The following SCUBE1 variants were observed in gnomAD, a reference collection of about 807,000 sequenced individuals.
The protein encoded by SCUBE1 is signal peptide, CUB domain and EGF like domain containing 1.
Under a neutral mutation model 124.4 loss-of-function variants are expected in SCUBE1, and 59 were observed. The observed-to-expected ratio is 0.47, with a 90% CI of 0.38 to 0.59. The LOEUF (loss-of-function observed/expected upper bound fraction) is 0.59, where lower values mean the gene tolerates loss of function less well. Among genes scored for constraint, SCUBE1 ranks in the 20% least tolerant of loss-of-function variants. The pLI is 0.00. For synonymous variants in SCUBE1, 545 were observed against 550.9 expected, an observed-to-expected ratio of 0.99 and a Z score of 0.15; for missense variants, 1,150 against 1,371.2, an observed-to-expected ratio of 0.84 and a Z score of 2.55.
intron 16 of SCUBE1, chr22:43,213,338 G>C (rs118111226): frequency 6.6e-6 from 1 of 152,282 alleles, no homozygotes; most frequent in Non-Finnish European, 1.5e-5. Flanking sequence ...CAGCCTGGAC[G>C]GACTCAGGGC....
In SCUBE1 at chr22:43,221,241, T is replaced by C. The variant is rs1389291786; in HGVS notation, c.1481A>G (p.Asp494Gly). 6.2e-7 allele frequency: 1 copy of C among 1,611,612 alleles called. No individual in the cohort carries two copies. The highest frequency in any genetic ancestry group is 1.1e-5 in the South Asian group (1 of 91,026). Residue 494 changes from aspartate to glycine, a missense_variant, in exon 13 of 22, where the codon GAT (aspartate) becomes GGT (glycine). Asp to Gly is a moderately conservative substitution (Grantham distance 94). Coordinates refer to ENST00000360835, the MANE Select transcript of SCUBE1 (RefSeq NM_173050.5). Reference protein sequence around the residue: ...IKQKARFKIRDAKCHLRPHSQ... With the variant: ...IKQKARFKIRGAKCHLRPHSQ... ...GTGGGGCCGGAGGTGGCACTTGGCATCTCGGATCTTGAAGCGGGCCTTCTG... is the reference window on the plus strand; with the variant it reads ...GTGGGGCCGGAGGTGGCACTTGGCACCTCGGATCTTGAAGCGGGCCTTCTG...
At chr22:43,242,754 C>G (rs1228940199) in intron 6 of SCUBE1, among the ~76,000 whole-genome samples, 1 of 152,210 alleles carries the variant, frequency 6.6e-6, no homozygotes, top group Non-Finnish European at 1.5e-5. Flanking sequence ...CTGTCCCCAG[C>G]CTGTAGACAA....
At chr22:43,262,875 T>C in intron 4 of SCUBE1, 30 bp from the exon 5 acceptor site, 3 of 1,597,510 alleles carry the variant, frequency 1.9e-6, no homozygotes, top group Non-Finnish European at 2.6e-6. Context: ...AGAGACGGGT[T>C]GAAGACCAGG....
intron 3 of SCUBE1, among the ~76,000 whole-genome samples, chr22:43,299,256 T>C (rs1346075997): frequency 2.0e-5 from 3 of 150,450 alleles, no homozygotes; most frequent in Admixed American, 6.6e-5. Flanking sequence ...CACCACCGAG[T>C]GTGAGCAGGT....
intron 8 of SCUBE1, among the ~76,000 whole-genome samples, chr22:43,230,281 T>G (rs915743359): frequency 6.6e-6 from 1 of 151,962 alleles, no homozygotes; most frequent in African/African-American, 2.4e-5. Context: ...CCTCCCCTCC[T>G]AGGAGCCACC....
chr22:43,268,220 G>A (rs2146718831), intron 4 of SCUBE1, among the ~76,000 whole-genome samples: 1 of 152,358 alleles, frequency 6.6e-6, no homozygotes, highest in African/African-American at 2.4e-5. Flanking sequence ...AGGGACGGAA[G>A]GGCCCCAGTT....
Position 43,255,514 on chromosome 22 carries a change from T to C in SCUBE1, c.727+2705A>G, listed in dbSNP as rs1481383930. 1 of 1,550,642 alleles carries C rather than the reference T, an allele frequency of 6.4e-7. No individual in the cohort carries two copies. Among genetic ancestry groups the C allele is most frequent in the Admixed American group, 2.0e-5 (1 of 51,014 alleles). ...CATGAGTAGCCGCCGTTTCACCCGCTTGTCCACATCAGCTACTGACGTGGC... is the reference window on the plus strand; with the variant it reads ...CATGAGTAGCCGCCGTTTCACCCGCCTGTCCACATCAGCTACTGACGTGGC... On this transcript the variant is annotated intron_variant, in intron 6 of 21. Coordinates refer to ENST00000360835, the MANE Select transcript of SCUBE1 (RefSeq NM_173050.5). The surrounding 1 kb of genome is among the most constrained non-coding windows in gnomAD (Gnocchi z 4.7).
At chr22:43,307,054 C>T (rs1925996698) in intron 3 of SCUBE1, among the ~76,000 whole-genome samples, 1 of 152,246 alleles carries the variant, frequency 6.6e-6, no homozygotes, top group African/African-American at 2.4e-5. Flanking sequence ...GCCCATCCTC[C>T]ACCACACAAA....
At chr22:43,301,200 C>T (rs1275813757) in intron 3 of SCUBE1, among the ~76,000 whole-genome samples, 1 of 152,178 alleles carries the variant, frequency 6.6e-6, no homozygotes, top group Non-Finnish European at 1.5e-5. Context: ...TCCAGGGCTG[C>T]CACGGCTGGG....
intron 1 of SCUBE1, among the ~76,000 whole-genome samples, chr22:43,340,366 T>C (rs116578829): frequency 0.017 from 2,516 of 152,178 alleles, 83 homozygotes; most frequent in African/African-American, 0.057. Flanking sequence ...CTCTACCTCC[T>C]GCCCCCAACA....
chr22:43,310,133 G>C (rs115950961), intron 3 of SCUBE1, among the ~76,000 whole-genome samples: 15 of 151,962 alleles, frequency 9.9e-5, no homozygotes, highest in Non-Finnish European at 1.8e-4. Context: ...GGCCCGCCTC[G>C]TTGCCTCATC....
chr22:43,313,899 C>T (rs930551525), intron 3 of SCUBE1, among the ~76,000 whole-genome samples: 1 of 152,252 alleles, frequency 6.6e-6, no homozygotes, highest in Non-Finnish European at 1.5e-5. Context: ...GAACACTTTT[C>T]AAACTGGCCT....
Position 43,265,275 on chromosome 22 carries a change from ATGT to A in SCUBE1, c.485-2433_485-2431del, listed in dbSNP as rs557966015. 3.9e-4 allele frequency among the ~76,000 whole-genome samples: 59 copies of A among 152,286 alleles called. 2 individuals carry two copies. In the South Asian group the frequency reaches 7.5e-3, roughly 19 times the overall value. On this transcript the variant is annotated intron_variant, in intron 4 of 21. Coordinates refer to ENST00000360835, the MANE Select transcript of SCUBE1 (RefSeq NM_173050.5). ...CTAAAGACTTTAACACTGAGCCAAG[ATGT>A]TGTTGTTTTCTTGGTGAAGGACACT... is the stretch of plus-strand genomic sequence containing the variant.
intron 3 of SCUBE1, among the ~76,000 whole-genome samples, chr22:43,314,059 C>T (rs1285495707): frequency 2.0e-5 from 3 of 152,146 alleles, no homozygotes; most frequent in Admixed American, 6.5e-5. Context: ...CCTAACTATT[C>T]CTGATGGGCG....
At chr22:43,249,340 G>A (rs1042066842) in intron 6 of SCUBE1, among the ~76,000 whole-genome samples, 1 of 151,766 alleles carries the variant, frequency 6.6e-6, no homozygotes, top group Non-Finnish European at 1.5e-5. Flanking sequence ...GGGAGCTGGG[G>A]TGGAGGGGAG....
chr22:43,198,192 G>C lies in SCUBE1; in HGVS notation c.*5805C>G. ...GGTTGAGCCCAGAGCCTGGCACCCA[G>C]TGGGCACTGAGTGAGCGTCAGCTTC... is the stretch of plus-strand genomic sequence containing the variant. On this transcript the variant is annotated 3_prime_UTR_variant, in exon 22 of 22. Coordinates refer to ENST00000360835, the MANE Select transcript of SCUBE1 (RefSeq NM_173050.5). 1 of 272,570 alleles carries C rather than the reference G, an allele frequency of 3.7e-6. No individual in the cohort carries two copies. The highest frequency in any genetic ancestry group is 1.3e-3 in the Middle Eastern group (1 of 756). The allele number at this position is 272,570 out of a possible 1,614,324, so 16.9% of individuals were successfully genotyped here.
chr22:43,260,924 T>A (rs1314358723), intron 5 of SCUBE1, among the ~76,000 whole-genome samples: 2 of 152,224 alleles, frequency 1.3e-5, no homozygotes, highest in Non-Finnish European at 2.9e-5. Flanking sequence ...CTCCTCCTTG[T>A]AGTGCTTGTG....
chr22:43,319,558 C>CAAAAAAAAAAAAAAA (rs35230785), intron 3 of SCUBE1, among the ~76,000 whole-genome samples: 1 of 55,214 alleles, frequency 1.8e-5, no homozygotes, highest in African/African-American at 8.3e-5. Flanking sequence ...GACTCCATCT[C>CAAAAAAAAAAAAAAA]AAAAAAAAAA....
rs112239566 is a variant in SCUBE1, at chr22:43,218,286, G to A, written c.1860C>T (p.Gly620=). The A allele has an allele frequency of 3.3e-4, 532 of 1,613,114 alleles. 1 individual carries two copies. The African/African-American group carries it at 6.2e-3, about 19-fold the overall frequency. Residue 620 remains glycine (G), a synonymous_variant, in exon 15 of 22, where the codon GGC becomes GGT. Transcript: ENST00000360835. ...TGCTGTCCTGTAGCACCTGGCCTGC[G>A]CCACATGCCCCCTGCCCCTCCAGCG... ...AKALEGQGAC[G]AGQVLQDSKC... is the part of the protein sequence containing the mutation.
Sources: allele counts gnomAD v4.1 joint callset (sites outside exome capture counted in the v4.1 genomes callset), GRCh38; gene constraint gnomAD v4.1.1; non-coding constraint Gnocchi (gnomAD v3.1); transcripts MANE v1.5; gene names NCBI Gene and HGNC (gene_info 2026-07-23, HGNC 2026-07-21).